NUP37: variants seen among roughly 807,000 people sequenced by gnomAD.
The protein encoded by NUP37 is nucleoporin 37, also known as nucleoporin Nup37.
A neutral mutation model predicts 45.4 loss-of-function variants in NUP37; 33 were observed. That is an observed-to-expected ratio of 0.73 (90% CI 0.55 to 0.97). The LOEUF (loss-of-function observed/expected upper bound fraction) is 0.97, where lower values mean the gene tolerates loss of function less well. Ranked by LOEUF, NUP37 falls within the 50% of genes least tolerant of loss-of-function variation. The pLI, the probability that NUP37 is intolerant of heterozygous loss-of-function variation, is 0.00. For missense variants in NUP37, 365 were observed against 389.7 expected, an observed-to-expected ratio of 0.94 and a Z score of 0.53; for synonymous variants, 127 against 130.7, an observed-to-expected ratio of 0.97 and a Z score of 0.19.
chr12:102,081,078 C>T (rs1209818439), intron 6 of NUP37, among the ~76,000 whole-genome samples: 2 of 152,112 alleles, frequency 1.3e-5, no homozygotes, highest in Non-Finnish European at 2.9e-5. Context: ...AAACGGCTTA[C>T]CTTTCTGTGT....
intron 3 of NUP37, among the ~76,000 whole-genome samples, chr12:102,105,676 C>T (rs1416331974): frequency 1.3e-5 from 2 of 151,936 alleles, no homozygotes; most frequent in South Asian, 4.1e-4. Context: ...GCCTGGTCAA[C>T]ACGGCGAAAT....
Position 102,118,529 on chromosome 12 carries a change from A to C in NUP37, c.-11T>G. On this transcript the variant is annotated 5_prime_UTR_variant, in exon 2 of 10. Transcript: ENST00000552283. ...GGCATCTTGCTTCATCTTGTATGTC[A>C]AAATTCAAGCAGTTGTGAAAATTAA... 6.2e-7 allele frequency: 1 copy of C among 1,604,300 alleles called. No individual in the cohort carries two copies. The highest frequency in any genetic ancestry group is 8.5e-7 in the Non-Finnish European group (1 of 1,176,970).
chr12:102,116,983 CA>C (rs1880482175), intron 2 of NUP37, among the ~76,000 whole-genome samples: 1 of 152,158 alleles, frequency 6.6e-6, no homozygotes, highest in Non-Finnish European at 1.5e-5. Flanking sequence ...GCCTGGATGA[CA>C]GAGCGAGACT....
intron 5 of NUP37, among the ~76,000 whole-genome samples, chr12:102,094,105 T>A (rs1879735780): frequency 6.6e-6 from 1 of 152,122 alleles, no homozygotes; most frequent in African/African-American, 2.4e-5. Context: ...AGTATAATTT[T>A]TGGAGAGTTC....
chr12:102,117,075 T>C (rs994744372), intron 2 of NUP37, among the ~76,000 whole-genome samples: 1 of 152,204 alleles, frequency 6.6e-6, no homozygotes, highest in South Asian at 2.1e-4. Context: ...ACTATCACTT[T>C]AGTGATAGTT....
intron 3 of NUP37, among the ~76,000 whole-genome samples, chr12:102,102,126 C>T (rs1381668328): frequency 6.6e-6 from 1 of 152,138 alleles, no homozygotes; most frequent in Non-Finnish European, 1.5e-5. Context: ...TATTTATATA[C>T]TGAAAAACAA....
At chr12:102,108,521 G>A (rs1351541963) in intron 3 of NUP37, among the ~76,000 whole-genome samples, 7 of 152,128 alleles carry the variant, frequency 4.6e-5, no homozygotes, top group Admixed American at 1.3e-4. Context: ...TCTTGTGATC[G>A]TGTGAGTCAA....
intron 4 of NUP37, among the ~76,000 whole-genome samples, chr12:102,100,734 A>G (rs1879946758): frequency 6.6e-6 from 1 of 152,196 alleles, no homozygotes; most frequent in Non-Finnish European, 1.5e-5. Flanking sequence ...GGTCATGTCT[A>G]TTATACTCCT....
chr12:102,115,965 AT>A, intron 2 of NUP37: 1 of 171,234 alleles, frequency 5.8e-6, no homozygotes, highest in African/African-American at 2.4e-5. Context: ...ACTTAATTGT[AT>A]TTCCAATGTC....
rs1471560398 is a variant in NUP37, at chr12:102,075,085, T to C, written c.783A>G (p.Thr261=). ...MDRACLFRWS[T]ISENLFATTG... is the part of the protein sequence containing the mutation. Reference sequence around the variant, plus strand: ...TGGTTGCAAACAGATTTTCACTAATTGTGGACCACCTAAGAAATAAGGAAG... The same window carrying C: ...TGGTTGCAAACAGATTTTCACTAATCGTGGACCACCTAAGAAATAAGGAAG... The change falls in exon 9 of 10, where the codon ACA becomes ACG. Residue 261 remains threonine (T), a synonymous_variant. Coordinates refer to ENST00000552283, the MANE Select transcript of NUP37 (RefSeq NM_024057.4). 1 of 1,607,912 alleles carries C rather than the reference T, an allele frequency of 6.2e-7. No individual in the cohort carries two copies. The highest frequency in any genetic ancestry group is 8.5e-7 in the Non-Finnish European group (1 of 1,176,016).
At chr12:102,087,413 A>G (rs1242083797) in intron 5 of NUP37, among the ~76,000 whole-genome samples, 1 of 152,224 alleles carries the variant, frequency 6.6e-6, no homozygotes, top group Non-Finnish European at 1.5e-5. Flanking sequence ...GTTTTTCAAA[A>G]TGATTATCTT....
chr12:102,078,409 A>G (rs1177889009), intron 6 of NUP37, among the ~76,000 whole-genome samples: 1 of 152,224 alleles, frequency 6.6e-6, no homozygotes, highest in African/African-American at 2.4e-5. Flanking sequence ...TCAATTTAAC[A>G]ATTCCTTCTG....
At chr12:102,094,071 C>G (rs1879735316) in intron 5 of NUP37, among the ~76,000 whole-genome samples, 1 of 152,052 alleles carries the variant, frequency 6.6e-6, no homozygotes, top group Non-Finnish European at 1.5e-5. Flanking sequence ...TTAAAAATGT[C>G]TGCAAAAGTG....
chr12:102,099,637 C>T lies in NUP37; in HGVS notation c.355-437G>A, dbSNP rs142357316. Among the ~76,000 whole-genome samples, 79 of 152,272 alleles carry T rather than the reference C, an allele frequency of 5.2e-4. No homozygotes were observed. In the East Asian group the frequency reaches 0.014, roughly 27 times the overall value. On this transcript the variant is annotated intron_variant, in intron 4 of 9. Transcript: ENST00000552283. ...ATACTCACTACTTAACAAACACACA[C>T]AGGATGGACTTCACCATCTAATGCC...
At chr12:102,116,933 C>T (rs1255434173) in intron 2 of NUP37, among the ~76,000 whole-genome samples, 1 of 152,056 alleles carries the variant, frequency 6.6e-6, no homozygotes, top group African/African-American at 2.4e-5. Context: ...CCTCGGGAGG[C>T]AGAGGTTGCA....
chr12:102,106,740 C>T (rs766916025), intron 3 of NUP37, among the ~76,000 whole-genome samples: 3 of 152,164 alleles, frequency 2.0e-5, no homozygotes, highest in Non-Finnish European at 4.4e-5. Context: ...CAAAACCCAA[C>T]CAGGTCCGCT....
intron 5 of NUP37, among the ~76,000 whole-genome samples, chr12:102,088,190 TTTAAG>T (rs1465017585): frequency 6.6e-6 from 1 of 152,190 alleles, no homozygotes; most frequent in Non-Finnish European, 1.5e-5. Context: ...GATGGCACAA[TTTAAG>T]TTGTTAAGTC....
intron 4 of NUP37, 143 bp from the exon 5 acceptor site, chr12:102,099,343 T>C (rs531939935): frequency 4.6e-6 from 3 of 647,240 alleles, no homozygotes; most frequent in East Asian, 5.5e-5. Context: ...CCGCTATTTT[T>C]AAAGCACGAT....
chr12:102,099,712 T>TA (rs1473958506), intron 4 of NUP37, among the ~76,000 whole-genome samples: 1 of 152,184 alleles, frequency 6.6e-6, no homozygotes, highest in African/African-American at 2.4e-5. Context: ...AGCTAGTTGT[T>TA]ATAAGCCCAT....
Sources: allele counts gnomAD v4.1 joint callset (sites outside exome capture counted in the v4.1 genomes callset), GRCh38; gene constraint gnomAD v4.1.1; transcripts MANE v1.5; gene names NCBI Gene and HGNC (gene_info 2026-07-23, HGNC 2026-07-21).